Variants in GRK1 observed in about 807,000 individuals in gnomAD.
The protein encoded by GRK1 is rhodopsin kinase GRK1.
GRK1 carries 28 observed loss-of-function variants against 41.7 expected under a neutral mutation model. The ratio of observed to expected loss-of-function variants is 0.67; its 90% CI spans 0.50 to 0.92. The LOEUF (loss-of-function observed/expected upper bound fraction) is 0.92. Among genes scored for constraint, GRK1 ranks in the 40% least tolerant of loss-of-function variants. GRK1 has a pLI of 0.00. For synonymous variants in GRK1, 327 were observed against 286.7 expected, an observed-to-expected ratio of 1.14 and a Z score of -1.42; for missense variants, 703 against 671.2, an observed-to-expected ratio of 1.05 and a Z score of -0.52.
In GRK1 at chr13:113,735,157, G is replaced by A. The variant is rs756723445; in HGVS notation, c.1486G>A (p.Val496Met). 1 of 1,537,222 alleles carries A rather than the reference G, an allele frequency of 6.5e-7. No individual in the cohort carries two copies. The highest frequency in any genetic ancestry group is 1.2e-5 in the South Asian group (1 of 84,064). ...DVGAFSTVKG[V>M]AFDKTDTEFF... ...GGGTGCCTTTTCCACCGTCAAAGGT[G>A]TGGCCTTTGACAAAACAGACACAGA... Residue 496 changes from valine to methionine, a missense_variant, in exon 7 of 7, where the codon GTG becomes ATG. Physicochemically the swap from Val to Met is conservative, Grantham distance 21 (BLOSUM62 1). Coordinates refer to ENST00000335678, the MANE Select transcript of GRK1 (RefSeq NM_002929.3).
rs1031333163 is a variant in GRK1 at position 113,735,562 on chromosome 13, G to A, written c.*199G>A. ...TGAGCCGCCAGACGCACATGCTGGT[G>A]CCGTGAGCCCCCGACTGCATATTTC... On this transcript the variant is annotated 3_prime_UTR_variant, in exon 7 of 7. Transcript: ENST00000335678. The A allele has an allele frequency of 5.6e-6, 3 of 538,854 alleles. No homozygotes were observed. The highest frequency in any genetic ancestry group is 9.5e-6 in the Non-Finnish European group (3 of 315,964). 33.4% of individuals were successfully genotyped at this position (538,854 alleles called of 1,614,324 possible).
the GRK1 span, chr13:113,653,559 T>G: frequency 1.8e-5 from 13 of 728,864 alleles, no homozygotes; most frequent in African/African-American, 7.1e-5. Context: ...CGGAGTAAAC[T>G]GTCTGCAGCA....
the GRK1 span, among the ~76,000 whole-genome samples, chr13:113,652,476 C>G: frequency 6.6e-6 from 1 of 152,220 alleles, no homozygotes; most frequent in Admixed American, 6.5e-5. Flanking sequence ...CCCACACCCC[C>G]TAAGGGGCCC....
the GRK1 span, among the ~76,000 whole-genome samples, chr13:113,654,652 C>T: frequency 6.6e-6 from 1 of 152,218 alleles, no homozygotes; most frequent in Non-Finnish European, 1.5e-5. Flanking sequence ...GGGCTGCCCT[C>T]GGGGGCACCT....
In GRK1 at chr13:113,733,054, C is replaced by G; in HGVS notation, c.1365C>G (p.Phe455Leu). The G allele has an allele frequency of 6.5e-7, 1 of 1,537,016 alleles. No homozygotes were observed. The highest frequency in any genetic ancestry group is 8.7e-7 in the Non-Finnish European group (1 of 1,146,894). ...ACAAGCTCCGTGCCCACCCCCTCTT[C>G]AAGGACCTTAACTGGAGGCAGCTGG... ...TCDKLRAHPL[F>L]KDLNWRQLEA... The change falls in exon 6 of 7, where the codon TTC (phenylalanine) becomes TTG (leucine). Residue 455 changes from phenylalanine (F) to leucine (L), a missense_variant. Coordinates refer to ENST00000335678, the MANE Select transcript of GRK1 (RefSeq NM_002929.3).
At chr13:113,733,892 T>TGTGTGC (rs537329543) in intron 6 of GRK1, among the ~76,000 whole-genome samples, 31,741 of 115,890 alleles carry the variant, frequency 0.27, 4,462 homozygotes, top group Middle Eastern at 0.36. Flanking sequence ...CGTGTGTGCG[T>TGTGTGC]GTGTGTATGT....
chr13:113,730,315 C>T (rs2049927305), intron 4 of GRK1, among the ~76,000 whole-genome samples: 1 of 137,172 alleles, frequency 7.3e-6, no homozygotes, highest in Admixed American at 7.3e-5. Context: ...TCCCTCCATC[C>T]CGACAGTCCC....
intron 5 of GRK1, among the ~76,000 whole-genome samples, chr13:113,732,377 C>T (rs186555515): frequency 1.1e-4 from 16 of 152,328 alleles, no homozygotes; most frequent in African/African-American, 3.4e-4. Flanking sequence ...GTGGCACAGG[C>T]GTGGGCTGCC....
chr13:113,735,036 A>C, intron 6 of GRK1, 32 bp from the exon 7 acceptor site: 1 of 1,461,074 alleles, frequency 6.8e-7, no homozygotes, highest in Non-Finnish European at 9.0e-7. Flanking sequence ...CACCACGAGG[A>C]GCCTGGCGTC....
intron 6 of GRK1, among the ~76,000 whole-genome samples, chr13:113,734,217 C>G (rs529467043): frequency 6.6e-6 from 1 of 152,338 alleles, no homozygotes; most frequent in South Asian, 2.1e-4. Flanking sequence ...GAAGACCCCC[C>G]AAACGAGAAG....
chr13:113,669,594 G>C, intron 1 of GRK1, 93 bp from the exon 2 acceptor site: 2 of 1,495,998 alleles, frequency 1.3e-6, no homozygotes, highest in South Asian at 2.3e-5. Context: ...GTGGCTGTGT[G>C]CAGTGGGCGT....
chr13:113,727,702 C>T (rs867139073), intron 4 of GRK1, among the ~76,000 whole-genome samples: 105 of 113,678 alleles, frequency 9.2e-4, no homozygotes, highest in South Asian at 3.5e-3. Context: ...GGACCCATGG[C>T]GATGAGGAGT....
upstream of GRK1, among the ~76,000 whole-genome samples, chr13:113,663,934 C>T (rs2049803027): frequency 6.6e-6 from 1 of 152,144 alleles, no homozygotes; most frequent in African/African-American, 2.4e-5. Flanking sequence ...AGGCATTTAC[C>T]CCAGAGAAAT....
rs2049863617 is a variant in GRK1, at chr13:113,672,410, A to G, written c.985+754A>G. 1.0e-4 allele frequency among the ~76,000 whole-genome samples: 7 copies of G among 69,754 alleles called. 2 individuals carry two copies. Among genetic ancestry groups the G allele is most frequent in the East Asian group, 1.1e-3 (2 of 1,798 alleles). 45.8% of individuals were successfully genotyped at this position (69,754 alleles called of 152,430 possible). A position where few individuals can be genotyped will look rare whatever the true frequency, so the allele number is the denominator to read the frequency against. ...GTGTGGTATTGTGTGTGGTATGTGG[A>G]ATGTGGTGTGTTCGTGGTGTGGTGT... On this transcript the variant is annotated intron_variant, in intron 3 of 6. Transcript: ENST00000335678.
At position 113,732,939 on chromosome 13, in the gene GRK1, A is replaced by G. The variant is rs946662002; in HGVS notation, c.1250A>G (p.Asp417Gly). ...ATCTCAGAGCCCGTGAAGTACCCTG[A>G]TAAGTTCAGCCAGGCCAGCAAGGAC... ...RIISEPVKYP[D>G]KFSQASKDFC... is the part of the protein sequence containing the mutation. Residue 417 changes from aspartate (D) to glycine (G), a missense_variant, in exon 6 of 7, where the codon GAT (aspartate) becomes GGT (glycine). Physicochemically the swap from Asp to Gly is moderately conservative, Grantham distance 94 (BLOSUM62 -1). Transcript: ENST00000335678. 101 of 1,536,786 alleles carry G rather than the reference A, an allele frequency of 6.6e-5. No homozygotes were observed. The highest frequency in any genetic ancestry group is 8.3e-5 in the Non-Finnish European group (95 of 1,146,828).
chr13:113,723,855 T>C (rs889397417), intron 4 of GRK1, among the ~76,000 whole-genome samples: 12 of 149,780 alleles, frequency 8.0e-5, no homozygotes, highest in African/African-American at 2.5e-4. Context: ...TCTGTGTGCC[T>C]GTGTGTGCAT....
Position 113,732,874 on chromosome 13 carries a change from G to A in GRK1, c.1195-10G>A, listed in dbSNP as rs2049947127. ...GTCTGGCAGGGCTAAGGCTACGCGT[G>A]TCCCCACAGGTGGAGAACAAGGAGC... On this transcript the variant is annotated splice_polypyrimidine_tract_variant and intron_variant, in intron 5 of 6. Transcript: ENST00000335678. The A allele has an allele frequency of 6.5e-7, 1 of 1,536,078 alleles. No homozygotes were observed. The highest frequency in any genetic ancestry group is 1.4e-5 in the African/African-American group (1 of 73,038).
chr13:113,667,765 G>C lies in GRK1; in HGVS notation c.379G>C (p.Asp127His). ...GGCCAAACTCTTCTGCAGCTTCCTG[G>C]ATGAGGGGATAGTGGCGAAGTTTAA... ...PQAKLFCSFL[D>H]EGIVAKFKEG... The change falls in exon 1 of 7, where the codon GAT (aspartate) becomes CAT (histidine). Residue 127 changes from aspartate to histidine, a missense_variant. Coordinates refer to ENST00000335678, the MANE Select transcript of GRK1 (RefSeq NM_002929.3). This position sits in a 1 kb window ranked among gnomAD's most constrained non-coding sequence, Gnocchi z 7.5. The C allele has an allele frequency of 6.2e-7, 1 of 1,613,314 alleles. No homozygotes were observed. Among genetic ancestry groups the C allele is most frequent in the Non-Finnish European group, 8.5e-7 (1 of 1,179,384 alleles).
At chr13:113,727,598 A>G (rs1198910004) in intron 4 of GRK1, among the ~76,000 whole-genome samples, 337 of 108,826 alleles carry the variant, frequency 3.1e-3, no homozygotes, top group East Asian at 5.1e-3. Context: ...TACCCATGGC[A>G]ATGAGGAGTA....
Sources: gnomAD v4.1 joint callset for allele counts (sites outside exome capture counted in the v4.1 genomes callset) on GRCh38, gnomAD v4.1.1 for gene constraint, Gnocchi (gnomAD v3.1) non-coding constraint, MANE v1.5 for transcripts, NCBI Gene and HGNC (gene_info 2026-07-23, HGNC 2026-07-21) for gene names.